The following CAMTA2 variants were observed in gnomAD, a reference collection of about 807,000 sequenced individuals.
CAMTA2 encodes the protein calmodulin binding transcription activator 2, also known as calmodulin-binding transcription activator 2.
A neutral mutation model predicts 135.7 loss-of-function variants in CAMTA2; 56 were observed. The ratio of observed to expected loss-of-function variants is 0.41; its 90% CI spans 0.33 to 0.52. The LOEUF (loss-of-function observed/expected upper bound fraction) is 0.52. CAMTA2 is among the 20% of genes least tolerant of loss of function. The pLI is 0.16. For synonymous variants in CAMTA2, 591 were observed against 604.6 expected (o/e 0.98, Z 0.33); for missense variants, 1,358 against 1,553.4 (o/e 0.87, Z 2.11).
rs561920167 is a variant in CAMTA2, at chr17:4,980,428, T to C, written c.894A>G (p.Ser298=). Residue 298 remains serine, a synonymous_variant, in exon 9 of 23, where the codon TCA becomes TCG. Coordinates refer to ENST00000348066, the MANE Select transcript of CAMTA2 (RefSeq NM_015099.4). This position sits in a 1 kb window ranked among gnomAD's most constrained non-coding sequence, Gnocchi z 5.3. ...TTTCTAGGGGCTCTGCAAAACCTGA[T>C]GAGGAGGAAGAAGAGGAAGAAGATG... ...TSPSSSSSSS[S]SGFAEPLEIR... is the part of the protein sequence containing the mutation. 1.5e-4 allele frequency: 237 copies of C among 1,606,002 alleles called. 2 individuals are homozygous for C. The South Asian group carries it at 2.5e-3, about 17-fold the overall frequency.
chr17:4,983,115 G>A, intron 3 of CAMTA2, 72 bp from the exon 4 acceptor site: 1 of 1,283,930 alleles, frequency 7.8e-7, no homozygotes, highest in South Asian at 1.2e-5. Context: ...TGGTCATCCT[G>A]TCAGTGTCTC....
At chr17:4,986,744 T>G in intron 1 of CAMTA2, 1 of 553,668 alleles carries the variant, frequency 1.8e-6, no homozygotes. Context: ...CTGAGTTCCT[T>G]CTCTGTTTGA....
intron 1 of CAMTA2, chr17:4,987,086 C>T (rs1264459700): frequency 7.2e-7 from 1 of 1,391,754 alleles, no homozygotes; most frequent in East Asian, 3.0e-5. Flanking sequence ...TCGGGCTCGG[C>T]TATGTGCAGT....
chr17:4,976,098 C>T (rs1474890445), intron 11 of CAMTA2, among the ~76,000 whole-genome samples: 1 of 152,082 alleles, frequency 6.6e-6, no homozygotes, highest in African/African-American at 2.4e-5. Context: ...TTCCGCCTCT[C>T]GGGTTCAAGC....
intron 1 of CAMTA2, 182 bp downstream of exon 1, chr17:4,987,411 C>T (rs1277946124): frequency 3.6e-6 from 5 of 1,370,478 alleles, no homozygotes; most frequent in African/African-American, 1.5e-5. Context: ...CGCGCTGGTC[C>T]GCCGTGGGGC....
Position 4,969,718 on chromosome 17 carries a change from C to A in CAMTA2, c.3190-17G>T. 6.2e-7 allele frequency: 1 copy of A among 1,613,612 alleles called. No individual in the cohort carries two copies. The highest frequency in any genetic ancestry group is 8.5e-7 in the Non-Finnish European group (1 of 1,179,892). The stretch of plus-strand genomic sequence containing the variant: ...CCGCCGGCCCTGAAGGGAGAGAAGT[C>A]TCACCACCTCATGACCCACATAATG... On this transcript the variant is annotated splice_polypyrimidine_tract_variant and intron_variant, in intron 18 of 22. Transcript: ENST00000348066. This position sits in a 1 kb window ranked among gnomAD's most constrained non-coding sequence, Gnocchi z 5.6.
At chr17:4,983,432 G>A (rs1274517979) in intron 3 of CAMTA2, among the ~76,000 whole-genome samples, 3 of 151,614 alleles carry the variant, frequency 2.0e-5, no homozygotes, top group East Asian at 1.9e-4. Flanking sequence ...ACAGGCATGC[G>A]CCACCATGCC....
At position 4,973,786 on chromosome 17, in the gene CAMTA2, C is replaced by T. The variant is rs1363984240; in HGVS notation, c.2017-17G>A. 2 of 1,569,246 alleles carry T rather than the reference C, an allele frequency of 1.3e-6. No homozygotes were observed. The highest frequency in any genetic ancestry group is 1.2e-5 in the South Asian group (1 of 85,750). The stretch of plus-strand genomic sequence containing the variant: ...GCCTTCATCCTGCGATATACACACT[C>T]TTAGGCAGAGACCCAGGTATCTACT... On this transcript the variant is annotated splice_polypyrimidine_tract_variant and intron_variant, in intron 12 of 22. Coordinates refer to ENST00000348066, the MANE Select transcript of CAMTA2 (RefSeq NM_015099.4).
chr17:4,982,305 C>T (rs1973006098), intron 5 of CAMTA2, 145 bp from the exon 6 acceptor site: 3 of 655,826 alleles, frequency 4.6e-6, no homozygotes, highest in African/African-American at 1.8e-5. Context: ...TTCCCCACCC[C>T]TTTTGAATCC....
chr17:4,974,524 G>C (rs1174225249), intron 11 of CAMTA2, 24 bp from the exon 12 acceptor site: 5 of 1,462,332 alleles, frequency 3.4e-6, no homozygotes, highest in Non-Finnish European at 4.8e-6. Context: ...GGTATGGGAG[G>C]CTGAGTGGGC....
Position 4,980,753 on chromosome 17 carries a change from G to T in CAMTA2, c.701-132C>A. The T allele has an allele frequency of 2.9e-6, 2 of 692,246 alleles. No homozygotes were observed. The highest frequency in any genetic ancestry group is 5.1e-6 in the Non-Finnish European group (2 of 393,354). The allele number at this position is 692,246 out of a possible 1,614,324, so 42.9% of individuals were successfully genotyped here. ...AGGTGTAATACTGATTGTAGCCACT[G>T]GGAGGCATCAGAAATGTCTGTTCTC... On this transcript the variant is annotated intron_variant, in intron 8 of 22. Coordinates refer to ENST00000348066, the MANE Select transcript of CAMTA2 (RefSeq NM_015099.4). This position sits in a 1 kb window ranked among gnomAD's most constrained non-coding sequence, Gnocchi z 5.3.
At chr17:4,986,935 G>C in intron 1 of CAMTA2, 10 of 1,518,688 alleles carry the variant, frequency 6.6e-6, no homozygotes, top group Non-Finnish European at 8.8e-6. Context: ...GCCTCCCCTG[G>C]CCTCCAGGCC....
chr17:4,983,276 C>T (rs1371401712), intron 3 of CAMTA2: 5 of 479,846 alleles, frequency 1.0e-5, no homozygotes, highest in Non-Finnish European at 1.9e-5. Flanking sequence ...AAATCTCATT[C>T]CTGTGCCCCT....
At chr17:4,982,184 G>T (rs748053904) in intron 5 of CAMTA2, 24 bp from the exon 6 acceptor site, 9 of 669,388 alleles carry the variant, frequency 1.3e-5, no homozygotes, top group South Asian at 4.1e-5. Context: ...GGCTGGGGTG[G>T]GGGGAGGGCT....
intron 3 of CAMTA2, among the ~76,000 whole-genome samples, chr17:4,984,596 C>T (rs1042619230): frequency 2.6e-5 from 4 of 152,204 alleles, no homozygotes; most frequent in Non-Finnish European, 2.9e-5. Flanking sequence ...ACTGACAGTC[C>T]TCTTCTGACA....
chr17:4,970,184 GGA>G, intron 17 of CAMTA2, 99 bp from the exon 18 acceptor site: 1 of 1,418,470 alleles, frequency 7.0e-7, no homozygotes, highest in Non-Finnish European at 9.8e-7. Context: ...AACTGAGTCT[GGA>G]GAGTGACTTC....
In CAMTA2 at chr17:4,968,734, G is replaced by T; in HGVS notation, c.*22C>A. The T allele has an allele frequency of 6.2e-7, 1 of 1,613,742 alleles. No homozygotes were observed. Among genetic ancestry groups the T allele is most frequent in the Non-Finnish European group, 8.5e-7 (1 of 1,179,920 alleles). On this transcript the variant is annotated 3_prime_UTR_variant, in exon 23 of 23. Coordinates refer to ENST00000348066, the MANE Select transcript of CAMTA2 (RefSeq NM_015099.4). ...AGACTGCACGAGGCGCCCCCAGGGT[G>T]GTGAGAAAGGCGGTGGCCAGGTCAT...
intron 1 of CAMTA2, chr17:4,986,849 A>G: frequency 6.6e-6 from 6 of 909,710 alleles, no homozygotes; most frequent in Non-Finnish European, 1.0e-5. Context: ...CCAGACACCC[A>G]GATTCCCACC....
At position 4,968,778 on chromosome 17, in the gene CAMTA2, G is replaced by A; in HGVS notation, c.3587C>T (p.Pro1196Leu). The A allele has an allele frequency of 1.9e-6, 3 of 1,614,158 alleles. No individual in the cohort carries two copies. Among genetic ancestry groups the A allele is most frequent in the South Asian group, 1.1e-5 (1 of 91,088 alleles). ...LKQNQELEGLPQPGLAT is the reference protein window; with the variant it reads ...LKQNQELEGLLQPGLAT ...AGGTCATGTGGCCAGTCCCGGCTGG[G>A]GAAGCCCTTCCAGCTCCTGGTTCTG... is the stretch of plus-strand genomic sequence containing the variant. The change falls in exon 23 of 23, where the codon CCC becomes CTC. Residue 1196 changes from proline (P) to leucine (L), a missense_variant. Pro to Leu is a moderately conservative substitution (Grantham distance 98, BLOSUM62 -3). Around this residue, in one of 4 missense-constraint regions of CAMTA2, gnomAD observed 167 missense variants for 207.0 expected, o/e 0.81. Transcript: ENST00000348066.
Sources: allele counts gnomAD v4.1 joint callset (sites outside exome capture counted in the v4.1 genomes callset), GRCh38; gene constraint gnomAD v4.1.1; regional missense constraint gnomAD v4.1.1; non-coding constraint Gnocchi (gnomAD v3.1); transcripts MANE v1.5; gene names NCBI Gene and HGNC (gene_info 2026-07-23, HGNC 2026-07-21).